Variants in FNBP4 observed in about 807,000 individuals in gnomAD.
The protein encoded by FNBP4 is formin-binding protein 4.
Under a neutral mutation model 119.3 loss-of-function variants are expected in FNBP4, and 34 were observed. The observed-to-expected ratio is 0.28, with a 90% CI of 0.22 to 0.38. The LOEUF (loss-of-function observed/expected upper bound fraction) is 0.38. Among genes scored for constraint, FNBP4 ranks in the 10% least tolerant of loss-of-function variants. The pLI is 1.00. For synonymous variants in FNBP4, 462 were observed against 430.6 expected, an observed-to-expected ratio of 1.07 and a Z score of -0.90; for missense variants, 1,112 against 1,228.9, an observed-to-expected ratio of 0.90 and a Z score of 1.42.
At chr11:47,721,654 G>A (rs1429551164) in intron 15 of FNBP4, among the ~76,000 whole-genome samples, 2 of 151,938 alleles carry the variant, frequency 1.3e-5, no homozygotes. Flanking sequence ...AAGGTATAAT[G>A]ATATAATATT....
chr11:47,742,477 C>CAAAAAAAAAAAAAAAAAAAAAAAAAA (rs568784009), intron 8 of FNBP4, among the ~76,000 whole-genome samples: 1 of 23,760 alleles, frequency 4.2e-5, no homozygotes, highest in African/African-American at 1.5e-4. Context: ...GACTCCGTCT[C>CAAAAAAAAAAAAAAAAAAAAAAAAAA]AAAAAAAAAA....
In FNBP4 at chr11:47,750,966, C is replaced by G. The variant is rs558719400; in HGVS notation, c.856G>C (p.Val286Leu). ...ACTGGTCCACTTTTACTACTGGAAA[C>G]AGAAATCGTTTTCTCCTTAGAATAT... Reference protein sequence around the residue: ...DIYSKEKTISVSSSKSGPVIA... With the variant: ...DIYSKEKTISLSSSKSGPVIA... Residue 286 changes from valine to leucine, a missense_variant, in exon 6 of 17, where the codon GTT becomes CTT. Around this residue, in one of 2 missense-constraint regions of FNBP4, gnomAD observed 826 missense variants for 988.8 expected, o/e 0.84. Coordinates refer to ENST00000263773, the MANE Select transcript of FNBP4 (RefSeq NM_015308.5). 2.3e-5 allele frequency: 37 copies of G among 1,613,978 alleles called. No individual in the cohort carries two copies. The South Asian group carries it at 3.8e-4, about 17-fold the overall frequency.
chr11:47,723,111 T>G lies in FNBP4; in HGVS notation c.2670A>C (p.Pro890=). 3.1e-6 allele frequency: 5 copies of G among 1,614,060 alleles called. No individual in the cohort carries two copies. The highest frequency in any genetic ancestry group is 4.2e-6 in the Non-Finnish European group (5 of 1,180,012). Residue 890 remains proline, a synonymous_variant, in exon 15 of 17, where the codon CCA becomes CCC. Coordinates refer to ENST00000263773, the MANE Select transcript of FNBP4 (RefSeq NM_015308.5). The part of the protein sequence containing the change: ...PIGVTAPSLQ[P]VQARGAVPTA... ...TAGGCACAGCACCTCGGGCCTGAAC[T>G]GGCTGCAATGAGGGAGCAGTCACTC...
chr11:47,765,032 T>C (rs1321938520), intron 2 of FNBP4, among the ~76,000 whole-genome samples: 1 of 151,522 alleles, frequency 6.6e-6, no homozygotes, highest in Non-Finnish European at 1.5e-5. Context: ...TAAAATAGCA[T>C]CAGGAAAAAA....
intron 7 of FNBP4, among the ~76,000 whole-genome samples, chr11:47,744,899 T>C (rs1177876592): frequency 6.6e-6 from 1 of 152,226 alleles, no homozygotes; most frequent in Admixed American, 6.5e-5. Context: ...GATTATCAAC[T>C]ACCTGTTGTG....
At chr11:47,759,670 T>C (rs2097628753) in intron 2 of FNBP4, among the ~76,000 whole-genome samples, 1 of 151,596 alleles carries the variant, frequency 6.6e-6, no homozygotes, top group African/African-American at 2.4e-5. Context: ...ATAAAAATAC[T>C]GGCCGGGCAC....
At chr11:47,734,151 A>G in intron 9 of FNBP4, 22 bp from the exon 10 acceptor site, 1 of 1,341,172 alleles carries the variant, frequency 7.5e-7, no homozygotes, top group East Asian at 2.3e-5. Context: ...AAAAGAAAAA[A>G]AGTAAAACTA....
At position 47,743,346 on chromosome 11, in the gene FNBP4, G is replaced by A. The variant is rs182400313; in HGVS notation, c.1456+607C>T. On this transcript the variant is annotated intron_variant, in intron 8 of 16. Coordinates refer to ENST00000263773, the MANE Select transcript of FNBP4 (RefSeq NM_015308.5). ...AAAAATACAAAAAATAGCCAGGCGC[G>A]GTGGCAGGCACCTATAATCCCAGCT... Among the ~76,000 whole-genome samples the A allele has an allele frequency of 8.1e-3, 1,225 of 152,164 alleles. 18 individuals are homozygous for A. Among genetic ancestry groups the A allele is most frequent in the African/African-American group, 0.027 (1,140 of 41,520 alleles).
chr11:47,734,193 T>G, intron 9 of FNBP4, 64 bp from the exon 10 acceptor site: 1 of 894,802 alleles, frequency 1.1e-6, no homozygotes, highest in Non-Finnish European at 1.7e-6. Context: ...TTATGTACAA[T>G]CCTTCATTTA....
At chr11:47,765,432 C>T in intron 1 of FNBP4, 70 bp from the exon 2 acceptor site, 2 of 1,061,138 alleles carry the variant, frequency 1.9e-6, no homozygotes, top group Non-Finnish European at 2.8e-6. Context: ...CAGTCAGATT[C>T]CAGACCAGAG....
chr11:47,723,250 A>C lies in FNBP4; in HGVS notation c.2531T>G (p.Leu844Arg). 1 of 1,614,168 alleles carries C rather than the reference A, an allele frequency of 6.2e-7. No homozygotes were observed. Among genetic ancestry groups the C allele is most frequent in the South Asian group, 1.1e-5 (1 of 91,084 alleles). Residue 844 changes from leucine (L) to arginine (R), a missense_variant, in exon 15 of 17, where the codon CTT becomes CGT. Coordinates refer to ENST00000263773, the MANE Select transcript of FNBP4 (RefSeq NM_015308.5). ...CTGATGACCCATTCCTGCTGCTGGAAGGCTAACTGGTATTGTCTGATGTCC... is the reference window on the plus strand; with the variant it reads ...CTGATGACCCATTCCTGCTGCTGGACGGCTAACTGGTATTGTCTGATGTCC... ...GIGHQTIPVS[L>R]PAAGMGHQAR...
At chr11:47,757,799 A>G (rs1285586519) in intron 2 of FNBP4, among the ~76,000 whole-genome samples, 1 of 151,688 alleles carries the variant, frequency 6.6e-6, no homozygotes, top group Non-Finnish European at 1.5e-5. Context: ...TAGCCTCTAA[A>G]CATCAATTTC....
Position 47,753,031 on chromosome 11 carries a change from A to C in FNBP4, c.522T>G (p.Pro174=). Residue 174 remains proline, a synonymous_variant, in exon 4 of 17, where the codon CCT becomes CCG. Transcript: ENST00000263773. ...VGASAPPPTP[P]RPEPKEAATS... ...TTGCTGCTTCCTTTGGCTCTGGTCG[A>C]GGTGGAGTTGGAGGTGGAGCAGAAG... 6.2e-7 allele frequency: 1 copy of C among 1,614,148 alleles called. No homozygotes were observed.
Position 47,754,638 on chromosome 11 carries a change from C to A in FNBP4, c.340G>T (p.Ala114Ser). The change falls in exon 3 of 17, where the codon GCT becomes TCT. Residue 114 changes from alanine to serine, a missense_variant. Ala to Ser is a moderately conservative substitution (Grantham distance 99). Around this residue, in one of 2 missense-constraint regions of FNBP4, gnomAD observed 286 missense variants for 240.1 expected, o/e 1.19. Coordinates refer to ENST00000263773, the MANE Select transcript of FNBP4 (RefSeq NM_015308.5). ...TGGLCLLGAY[A>S]DSDDDDNDVS... ...TCATTGTCATCGTCATCACTGTCAG[C>A]ATAAGCACCAAGCAAGCATAGACCG... The A allele has an allele frequency of 1.6e-5, 26 of 1,614,080 alleles. No individual in the cohort carries two copies. Among genetic ancestry groups the A allele is most frequent in the Non-Finnish European group, 2.2e-5 (26 of 1,179,998 alleles).
chr11:47,747,232 T>C (rs1039218828), intron 6 of FNBP4, among the ~76,000 whole-genome samples: 2 of 152,000 alleles, frequency 1.3e-5, no homozygotes, highest in Non-Finnish European at 2.9e-5. Context: ...TGAGACGAAC[T>C]CTCGCTCTTC....
chr11:47,761,382 C>G (rs1369759529), intron 2 of FNBP4, among the ~76,000 whole-genome samples: 1 of 152,148 alleles, frequency 6.6e-6, no homozygotes, highest in Admixed American at 6.6e-5. Context: ...ATTACAAGGT[C>G]AGGAGTTCAA....
At chr11:47,734,213 A>AT in intron 9 of FNBP4, 84 bp from the exon 10 acceptor site, 1 of 674,700 alleles carries the variant, frequency 1.5e-6, no homozygotes, top group Non-Finnish European at 2.4e-6. Flanking sequence ...ATTCTTATAG[A>AT]TATTAGAAAT....
rs1599148095 is a variant in FNBP4, at chr11:47,717,346, G to A, written c.*76C>T. The A allele has an allele frequency of 8.5e-6, 8 of 942,528 alleles. No individual in the cohort carries two copies. The East Asian group carries it at 1.8e-4, about 21-fold the overall frequency. The allele number at this position is 942,528 out of a possible 1,614,324, so 58.4% of individuals were successfully genotyped here. ...CCCCCATAACATTTATAGTTTATTT[G>A]ACAATAAAACTGGTTAAGACTTTGA... On this transcript the variant is annotated 3_prime_UTR_variant, in exon 17 of 17. Coordinates refer to ENST00000263773, the MANE Select transcript of FNBP4 (RefSeq NM_015308.5).
chr11:47,723,974 TGAAAA>T (rs1302890036), intron 14 of FNBP4, 49 bp downstream of exon 14: 8 of 1,548,284 alleles, frequency 5.2e-6, no homozygotes, highest in East Asian at 4.5e-5. Flanking sequence ...CATCTAATGC[TGAAAA>T]GAAAAGAAAC....
Sources: gnomAD v4.1 joint callset for allele counts (sites outside exome capture counted in the v4.1 genomes callset) on GRCh38, gnomAD v4.1.1 for gene constraint, gnomAD v4.1.1 regional missense constraint, MANE v1.5 for transcripts, NCBI Gene and HGNC (gene_info 2026-07-23, HGNC 2026-07-21) for gene names.